The following UHRF2 variants were observed in gnomAD, a reference collection of about 807,000 sequenced individuals.
UHRF2 encodes the protein E3 ubiquitin-protein ligase UHRF2.
In UHRF2, 23 loss-of-function variants were observed where a neutral mutation model predicts 96.8. The ratio of observed to expected loss-of-function variants is 0.24; its 90% CI spans 0.17 to 0.34. The LOEUF is 0.34. UHRF2 is among the 10% of genes least tolerant of loss of function. The pLI is 1.00. For synonymous variants in UHRF2, 385 were observed against 332.6 expected, an observed-to-expected ratio of 1.16 and a Z score of -1.72; for missense variants, 685 against 981.5, an observed-to-expected ratio of 0.70 and a Z score of 4.04.
chr9:6,504,718 C>T, intron 15 of UHRF2, 27 bp downstream of exon 15: 1 of 1,573,198 alleles, frequency 6.4e-7, no homozygotes, highest in Non-Finnish European at 8.7e-7. Context: ...CCTCACTTTC[C>T]CTGTTAGGTA....
At chr9:6,474,926 A>G (rs1183201300) in intron 4 of UHRF2, among the ~76,000 whole-genome samples, 1 of 152,210 alleles carries the variant, frequency 6.6e-6, no homozygotes, top group East Asian at 1.9e-4. Context: ...ATTGTTACAG[A>G]ATTATCCCAT....
intron 3 of UHRF2, among the ~76,000 whole-genome samples, chr9:6,458,178 C>T (rs1799248594): frequency 6.6e-6 from 1 of 152,100 alleles, no homozygotes; most frequent in Non-Finnish European, 1.5e-5. Flanking sequence ...GTCTCAATTT[C>T]GGAACTTGTT....
intron 9 of UHRF2, among the ~76,000 whole-genome samples, chr9:6,489,310 C>G (rs1479412306): frequency 6.6e-6 from 1 of 152,160 alleles, no homozygotes. Context: ...TAATCATTTA[C>G]TCATGGAAGA....
chr9:6,424,382 GA>G lies in UHRF2; in HGVS notation c.384+3241del, dbSNP rs1412018461. Among the ~76,000 whole-genome samples the G allele has an allele frequency of 5.5e-4, 12 of 21,658 alleles. No homozygotes were observed. In the East Asian group the frequency reaches 0.02, roughly 37 times the overall value. 14.2% of individuals were successfully genotyped at this position (21,658 alleles called of 152,430 possible). ...AGTGCTATATAGTGGTCACAATTAA[GA>G]GAGAATTTTTAGCACTGAAAGCCAA... On this transcript the variant is annotated intron_variant, in intron 2 of 15. Coordinates refer to ENST00000276893, the MANE Select transcript of UHRF2 (RefSeq NM_152896.3).
At chr9:6,438,459 C>G (rs1260405936) in intron 3 of UHRF2, among the ~76,000 whole-genome samples, 1 of 152,192 alleles carries the variant, frequency 6.6e-6, no homozygotes, top group Non-Finnish European at 1.5e-5. Flanking sequence ...TTATAGGTTA[C>G]CATCCCATTG....
At chr9:6,503,786 G>C (rs1192979402) in intron 14 of UHRF2, among the ~76,000 whole-genome samples, 1 of 152,006 alleles carries the variant, frequency 6.6e-6, no homozygotes, top group Non-Finnish European at 1.5e-5. Flanking sequence ...TAATGACCTT[G>C]AGACACGTTG....
chr9:6,504,015 CTTTTTTTTTTTTTTTT>C (rs35325264), intron 14 of UHRF2, among the ~76,000 whole-genome samples: 1 of 78,958 alleles, frequency 1.3e-5, no homozygotes, highest in African/African-American at 6.0e-5. Context: ...AAATAGAAGA[CTTTTTTTTTTTTTTTT>C]TTTTTTTTTT....
chr9:6,481,607 T>C lies in UHRF2; in HGVS notation c.1161-36T>C, dbSNP rs777591231. ...TCTGTTACTAGCTTTAATATGGTAT[T>C]GTGAAAATGCCTTCGTTCTTTTTTT... On this transcript the variant is annotated intron_variant, in intron 6 of 15. Coordinates refer to ENST00000276893, the MANE Select transcript of UHRF2 (RefSeq NM_152896.3). The C allele has an allele frequency of 6.2e-6, 10 of 1,601,290 alleles. No individual in the cohort carries two copies. The South Asian group carries it at 1.1e-4, about 18-fold the overall frequency.
intron 4 of UHRF2, among the ~76,000 whole-genome samples, chr9:6,462,396 C>A (rs955761307): frequency 5.3e-5 from 8 of 151,788 alleles, no homozygotes; most frequent in African/African-American, 1.9e-4. Flanking sequence ...GAACTTCTTA[C>A]AAACAAAAGT....
At chr9:6,425,524 G>T (rs1020933134) in intron 2 of UHRF2, among the ~76,000 whole-genome samples, 1 of 152,116 alleles carries the variant, frequency 6.6e-6, no homozygotes, top group African/African-American at 2.4e-5. Context: ...GGAGGCTGAG[G>T]AGGGTGGATC....
chr9:6,500,190 A>G (rs1417441167), intron 13 of UHRF2, among the ~76,000 whole-genome samples: 1 of 151,532 alleles, frequency 6.6e-6, no homozygotes, highest in Non-Finnish European at 1.5e-5. Flanking sequence ...CTGGTCTTGA[A>G]CTCCTGGGCT....
At chr9:6,438,323 C>T (rs1300242763) in intron 3 of UHRF2, among the ~76,000 whole-genome samples, 1 of 152,146 alleles carries the variant, frequency 6.6e-6, no homozygotes, top group Non-Finnish European at 1.5e-5. Context: ...TGATGCACTG[C>T]AAAGAGAATC....
At chr9:6,413,781 A>G in intron 1 of UHRF2, 138 bp downstream of exon 1, 1 of 1,141,362 alleles carries the variant, frequency 8.8e-7, no homozygotes, top group Non-Finnish European at 1.1e-6. Context: ...AGCCCCCGCG[A>G]GGCGCGGGGT....
At chr9:6,444,211 C>T (rs1286797443) in intron 3 of UHRF2, among the ~76,000 whole-genome samples, 1 of 152,156 alleles carries the variant, frequency 6.6e-6, no homozygotes, top group Non-Finnish European at 1.5e-5. Flanking sequence ...AATTTCAGAA[C>T]CCTGGTAAAA....
At chr9:6,464,064 G>C (rs1828215538) in intron 4 of UHRF2, among the ~76,000 whole-genome samples, 1 of 152,200 alleles carries the variant, frequency 6.6e-6, no homozygotes, top group South Asian at 2.1e-4. Flanking sequence ...TTCTGCAACA[G>C]TATGAGAGTT....
intron 2 of UHRF2, among the ~76,000 whole-genome samples, chr9:6,425,717 C>G (rs984468354): frequency 1.3e-5 from 2 of 151,922 alleles, no homozygotes; most frequent in Non-Finnish European, 2.9e-5. Context: ...GAGCCGAGAT[C>G]GCGCCACTGC....
intron 1 of UHRF2, among the ~76,000 whole-genome samples, chr9:6,416,190 A>T (rs1224498003): frequency 6.6e-6 from 1 of 152,134 alleles, no homozygotes; most frequent in Non-Finnish European, 1.5e-5. Flanking sequence ...CAGTCTCCCA[A>T]GTAGCTGGGA....
intron 6 of UHRF2, among the ~76,000 whole-genome samples, chr9:6,478,087 GGT>G (rs1429915072): frequency 6.6e-6 from 1 of 152,126 alleles, no homozygotes; most frequent in Non-Finnish European, 1.5e-5. Context: ...TGCTTCAGAT[GGT>G]TTATGTTGCC....
chr9:6,451,317 T>TA (rs1404950096), intron 3 of UHRF2, among the ~76,000 whole-genome samples: 1 of 152,248 alleles, frequency 6.6e-6, no homozygotes, highest in Non-Finnish European at 1.5e-5. Flanking sequence ...TTTTGGTTTT[T>TA]AGGGATTTCT....
Sources: gnomAD v4.1 joint callset for allele counts (sites outside exome capture counted in the v4.1 genomes callset) on GRCh38, gnomAD v4.1.1 for gene constraint, MANE v1.5 for transcripts, NCBI Gene and HGNC (gene_info 2026-07-23, HGNC 2026-07-21) for gene names.